Variants in CLSTN1 observed in about 807,000 individuals in gnomAD.
The protein encoded by CLSTN1 is calsyntenin-1.
CLSTN1 carries 28 observed loss-of-function variants against 108.3 expected under a neutral mutation model. That is an observed-to-expected ratio of 0.26 (90% CI 0.19 to 0.35). The LOEUF (loss-of-function observed/expected upper bound fraction) is 0.35. Among genes scored for constraint, CLSTN1 ranks in the 10% least tolerant of loss-of-function variants. CLSTN1 has a pLI of 1.00. For missense variants in CLSTN1, 1,157 were observed against 1,302.6 expected, an observed-to-expected ratio of 0.89 and a Z score of 1.72; for synonymous variants, 524 against 534.9, an observed-to-expected ratio of 0.98 and a Z score of 0.28.
chr1:9,784,571 T>C (rs568675363), intron 1 of CLSTN1, among the ~76,000 whole-genome samples: 88 of 152,322 alleles, frequency 5.8e-4, no homozygotes, highest in African/African-American at 2.0e-3. Context: ...GACACGTAGG[T>C]TGGTCATGTC....
chr1:9,746,880 T>C (rs1557696129), intron 7 of CLSTN1, among the ~76,000 whole-genome samples: 2 of 151,990 alleles, frequency 1.3e-5, no homozygotes, highest in Non-Finnish European at 1.5e-5. Flanking sequence ...AAAACACACA[T>C]AGAAGTACCT....
chr1:9,754,768 T>C (rs1651729946), intron 4 of CLSTN1, among the ~76,000 whole-genome samples: 1 of 152,038 alleles, frequency 6.6e-6, no homozygotes, highest in Admixed American at 6.6e-5. Context: ...GGCAGGAGAA[T>C]CGCTTGAACC....
At chr1:9,739,454 T>C (rs913388871) in intron 10 of CLSTN1, among the ~76,000 whole-genome samples, 4 of 152,216 alleles carry the variant, frequency 2.6e-5, no homozygotes, top group African/African-American at 9.6e-5. Context: ...CTGATTACCC[T>C]TGAATCCTAT....
chr1:9,774,561 G>A (rs1480727520), intron 1 of CLSTN1, among the ~76,000 whole-genome samples: 2 of 149,646 alleles, frequency 1.3e-5, no homozygotes, highest in African/African-American at 4.9e-5. Context: ...GTGAGACTCC[G>A]CCTCAAAAAA....
rs532245422 is a variant in CLSTN1, at chr1:9,736,054, G to A, written c.1577-12C>T. The A allele has an allele frequency of 6.2e-7, 1 of 1,614,102 alleles. No homozygotes were observed. The highest frequency in any genetic ancestry group is 1.7e-5 in the Admixed American group (1 of 60,016). ...GTGCAGGTCGCCACCTTTGGGTCAG[G>A]GGAGAAAAGGCGAAGTCAGGCGTGC... is the stretch of plus-strand genomic sequence containing the variant. On this transcript the variant is annotated splice_polypyrimidine_tract_variant and intron_variant, in intron 11 of 18. Coordinates refer to ENST00000377298, the MANE Select transcript of CLSTN1 (RefSeq NM_001009566.3).
chr1:9,743,202 G>A (rs981828936), intron 9 of CLSTN1, among the ~76,000 whole-genome samples: 5 of 152,140 alleles, frequency 3.3e-5, no homozygotes, highest in Admixed American at 3.3e-4. Flanking sequence ...TAATTTTACA[G>A]TGCTCTCTCG....
rs115132682 is a variant in CLSTN1 at position 9,787,715 on chromosome 1, C to T, written c.92-14321G>A. 8.4e-4 allele frequency among the ~76,000 whole-genome samples: 127 copies of T among 151,414 alleles called. 1 individual carries two copies. The highest frequency in any genetic ancestry group is 2.7e-3 in the African/African-American group (111 of 41,500). On this transcript the variant is annotated intron_variant, in intron 1 of 18. Coordinates refer to ENST00000377298, the MANE Select transcript of CLSTN1 (RefSeq NM_001009566.3). ...TCTAATTTTTCCTCCAAATTCCAAA[C>T]AAGTTTTTTTAATGTGGGAAAATAC...
intron 1 of CLSTN1, among the ~76,000 whole-genome samples, chr1:9,809,244 C>T (rs1487918168): frequency 4.6e-5 from 7 of 152,164 alleles, no homozygotes; most frequent in Admixed American, 2.0e-4. Flanking sequence ...AGACACACAC[C>T]CCCCAGCCTC....
chr1:9,811,692 T>C (rs1654760922), intron 1 of CLSTN1, among the ~76,000 whole-genome samples: 2 of 148,610 alleles, frequency 1.3e-5, no homozygotes, highest in African/African-American at 5.0e-5. Context: ...TGTGTTTTAC[T>C]ATTTACTTAG....
At position 9,781,814 on chromosome 1, in the gene CLSTN1, C is replaced by T. The variant is rs116765244; in HGVS notation, c.92-8420G>A. Among the ~76,000 whole-genome samples, 732 of 152,126 alleles carry T rather than the reference C, an allele frequency of 4.8e-3. 3 individuals carry two copies. Among genetic ancestry groups the T allele is most frequent in the African/African-American group, 0.016 (658 of 41,500 alleles). On this transcript the variant is annotated intron_variant, in intron 1 of 18. Transcript: ENST00000377298. Reference sequence around the variant, plus strand: ...ATATTTATGTATTCTTTATTTATAGCTTTGATAGCTTTAATTTTCTAAGCA... The same window carrying T: ...ATATTTATGTATTCTTTATTTATAGTTTTGATAGCTTTAATTTTCTAAGCA...
At chr1:9,777,080 T>G (rs1261308245) in intron 1 of CLSTN1, among the ~76,000 whole-genome samples, 1 of 150,262 alleles carries the variant, frequency 6.7e-6, no homozygotes, top group Non-Finnish European at 1.5e-5. Context: ...ATTAGCCGGG[T>G]GTGGTGACAC....
chr1:9,799,025 A>G (rs141010953), intron 1 of CLSTN1, among the ~76,000 whole-genome samples: 1 of 151,782 alleles, frequency 6.6e-6, no homozygotes, highest in Non-Finnish European at 1.5e-5. Context: ...TACTAAATCA[A>G]AATAAATTAG....
chr1:9,742,218 T>C (rs1203715561), intron 9 of CLSTN1, among the ~76,000 whole-genome samples: 6 of 151,570 alleles, frequency 4.0e-5, no homozygotes, highest in African/African-American at 7.3e-5. Flanking sequence ...TACTGTTAGG[T>C]TTTTTTTTAA....
rs558862471 is a variant in CLSTN1, at chr1:9,765,562, G to C, written c.214+7710C>G. 4.6e-5 allele frequency among the ~76,000 whole-genome samples: 7 copies of C among 150,656 alleles called. No homozygotes were observed. The East Asian group carries it at 1.4e-3, about 30-fold the overall frequency. ...CCGAAATCACTTGAACCCGGGAAAC[G>C]GAGACTCCATCTCAAAAAAAGAAAA... On this transcript the variant is annotated intron_variant, in intron 2 of 18. Coordinates refer to ENST00000377298, the MANE Select transcript of CLSTN1 (RefSeq NM_001009566.3).
rs1651481125 is a variant in CLSTN1, at chr1:9,750,076, G to A, written c.650-163C>T. 8.3e-6 allele frequency: 5 copies of A among 600,422 alleles called. No individual in the cohort carries two copies. In the East Asian group the frequency reaches 1.4e-4, roughly 17 times the overall value. The allele number at this position is 600,422 out of a possible 1,614,324, so 37.2% of individuals were successfully genotyped here. On this transcript the variant is annotated intron_variant, in intron 5 of 18. Transcript: ENST00000377298. ...TTAACCCTCAACCTGTCCTCCCTGA[G>A]CCCTAACACGCACTAAATCCATCCT...
chr1:9,812,046 T>C (rs1570523643), intron 1 of CLSTN1, among the ~76,000 whole-genome samples: 6 of 151,582 alleles, frequency 4.0e-5, no homozygotes, highest in Admixed American at 3.9e-4. Flanking sequence ...CTGAGGCAGG[T>C]GAATACCTTG....
At chr1:9,800,486 G>A (rs924673575) in intron 1 of CLSTN1, among the ~76,000 whole-genome samples, 3 of 149,714 alleles carry the variant, frequency 2.0e-5, no homozygotes, top group African/African-American at 4.9e-5. Flanking sequence ...TTGGGAGGCC[G>A]AGACAGGAGG....
chr1:9,733,899 G>T, intron 15 of CLSTN1, 73 bp downstream of exon 15: 2 of 1,455,286 alleles, frequency 1.4e-6, no homozygotes, highest in Non-Finnish European at 9.3e-7. Context: ...ATGGCAGGCA[G>T]CAGCCAGCCA....
chr1:9,784,500 T>C (rs2101200446), intron 1 of CLSTN1, among the ~76,000 whole-genome samples: 1 of 152,206 alleles, frequency 6.6e-6, no homozygotes, highest in Middle Eastern at 3.4e-3. Flanking sequence ...AACAAGACTA[T>C]CTCTAAAGAA....
Sources: gnomAD v4.1 joint callset for allele counts (sites outside exome capture counted in the v4.1 genomes callset) on GRCh38, gnomAD v4.1.1 for gene constraint, MANE v1.5 for transcripts, NCBI Gene and HGNC (gene_info 2026-07-23, HGNC 2026-07-21) for gene names.